Variants in CARMIL1 observed in about 807,000 individuals in gnomAD.
CARMIL1 encodes the protein capping protein regulator and myosin 1 linker 1, also known as F-actin-uncapping protein LRRC16A.
CARMIL1 carries 90 observed loss-of-function variants against 177.1 expected under a neutral mutation model. The ratio of observed to expected loss-of-function variants is 0.51; its 90% CI spans 0.43 to 0.61. CARMIL1 has a LOEUF of 0.61. Among genes scored for constraint, CARMIL1 ranks in the 20% least tolerant of loss-of-function variants. CARMIL1 has a pLI of 0.00. For synonymous variants in CARMIL1, 577 were observed against 606.2 expected, an observed-to-expected ratio of 0.95 and a Z score of 0.71; for missense variants, 1,380 against 1,667.0, an observed-to-expected ratio of 0.83 and a Z score of 3.00.
At chr6:25,517,219 A>T (rs1395856047) in intron 21 of CARMIL1, 128 bp from the exon 22 acceptor site, 1 of 639,406 alleles carries the variant, frequency 1.6e-6, no homozygotes, top group Non-Finnish European at 2.8e-6. Context: ...GATGAACATT[A>T]TTCCTTGCTC....
chr6:25,314,489 A>G lies in CARMIL1; in HGVS notation c.138+29580A>G, dbSNP rs1284034722. Among the ~76,000 whole-genome samples the G allele has an allele frequency of 3.8e-5, 5 of 132,606 alleles. No individual in the cohort carries two copies. The East Asian group carries it at 6.5e-4, about 17-fold the overall frequency. 87.0% of individuals were successfully genotyped at this position (132,606 alleles called of 152,430 possible). ...TTCTGTCTCAAAAAAAAAAAAAATT[A>G]TATATATACACACCCCCACACACAA... On this transcript the variant is annotated intron_variant, in intron 2 of 36. Coordinates refer to ENST00000329474, the MANE Select transcript of CARMIL1 (RefSeq NM_017640.6).
chr6:25,497,299 G>A (rs1582151054), intron 16 of CARMIL1, among the ~76,000 whole-genome samples: 1 of 152,272 alleles, frequency 6.6e-6, no homozygotes, highest in East Asian at 1.9e-4. Context: ...CTTTAATGTG[G>A]ATGACAGTGA....
At chr6:25,491,331 C>T (rs962555269) in intron 13 of CARMIL1, among the ~76,000 whole-genome samples, 2 of 152,146 alleles carry the variant, frequency 1.3e-5, no homozygotes, top group South Asian at 2.1e-4. Context: ...GATTCAGATT[C>T]GTAGTTCTGC....
intron 31 of CARMIL1, among the ~76,000 whole-genome samples, chr6:25,586,846 C>T (rs986754655): frequency 6.6e-6 from 1 of 151,934 alleles, no homozygotes; most frequent in Admixed American, 6.6e-5. Context: ...CCCAGGCACT[C>T]GGCAGGCTGA....
In CARMIL1 at chr6:25,472,364, A is replaced by G. The variant is rs535184465; in HGVS notation, c.780-63A>G. On this transcript the variant is annotated intron_variant, in intron 10 of 36. Transcript: ENST00000329474. ...TAGATTTCACTCTGTTCTAAGCTTT[A>G]AATGTTCCGTTCGAATGGTTTTACA... 4.0e-5 allele frequency: 45 copies of G among 1,138,328 alleles called. 1 individual carries two copies. The South Asian group carries it at 5.7e-4, about 14-fold the overall frequency. The allele number at this position is 1,138,328 out of a possible 1,614,324, so 70.5% of individuals were successfully genotyped here.
intron 2 of CARMIL1, chr6:25,389,304 T>C (rs1172425932): frequency 2.0e-5 from 3 of 152,218 alleles, no homozygotes; most frequent in Non-Finnish European, 2.9e-5. Flanking sequence ...CTGTCTATTA[T>C]ATGTTTTGCA....
chr6:25,500,143 A>T (rs1193072549), intron 16 of CARMIL1, 23 bp from the exon 17 acceptor site: 1 of 1,608,402 alleles, frequency 6.2e-7, no homozygotes, highest in African/African-American at 1.3e-5. Flanking sequence ...TGTGTATCTA[A>T]TATGTGTGTT....
At chr6:25,414,174 A>C (rs72831239) in intron 2 of CARMIL1, among the ~76,000 whole-genome samples, 20,237 of 152,126 alleles carry the variant, frequency 0.13, 1,657 homozygotes, top group East Asian at 0.23. Flanking sequence ...CAGTTTGCTC[A>C]TCTGTAATTC....
intron 36 of CARMIL1, among the ~76,000 whole-genome samples, chr6:25,610,384 C>A (rs1816409321): frequency 6.6e-6 from 1 of 152,070 alleles, no homozygotes; most frequent in Non-Finnish European, 1.5e-5. Flanking sequence ...ATCTTAATGA[C>A]ATATGAAAAA....
intron 2 of CARMIL1, among the ~76,000 whole-genome samples, chr6:25,410,913 A>G (rs1423449322): frequency 6.6e-6 from 1 of 152,198 alleles, no homozygotes; most frequent in African/African-American, 2.4e-5. Flanking sequence ...TCTGTAAAAT[A>G]AAGGAAAAGG....
rs1414682958 is a variant in CARMIL1, at chr6:25,594,582, AAC to A, written c.3119+57_3119+58del. On this transcript the variant is annotated intron_variant, in intron 32 of 36. Transcript: ENST00000329474. ...CTATTTTATTCATATTTAAATTACT[AAC>A]AGTTACAATTAAACTTAGTATACTA... The A allele has an allele frequency of 1.3e-5, 13 of 978,146 alleles. No homozygotes were observed. The African/African-American group carries it at 2.0e-4, about 15-fold the overall frequency. The allele number at this position is 978,146 out of a possible 1,614,324, so 60.6% of individuals were successfully genotyped here. A position where few individuals can be genotyped will look rare whatever the true frequency, so the allele number is the denominator to read the frequency against.
At chr6:25,367,552 G>C (rs1167809035) in intron 2 of CARMIL1, among the ~76,000 whole-genome samples, 2 of 152,098 alleles carry the variant, frequency 1.3e-5, no homozygotes, top group Non-Finnish European at 2.9e-5. Context: ...GGCTGTGTGT[G>C]CCCTTGCTGG....
Position 25,279,770 on chromosome 6 carries a change from A to G in CARMIL1, c.-26A>G. Reference sequence around the variant, plus strand: ...GCCATAAATCAGAGTTGGACCTGCAATAACCCCCACACCTACAGGGCAACC... The same window carrying G: ...GCCATAAATCAGAGTTGGACCTGCAGTAACCCCCACACCTACAGGGCAACC... On this transcript the variant is annotated 5_prime_UTR_variant, in exon 1 of 37. Transcript: ENST00000329474. 2 of 1,613,644 alleles carry G rather than the reference A, an allele frequency of 1.2e-6. No homozygotes were observed. The highest frequency in any genetic ancestry group is 3.3e-5 in the Admixed American group (2 of 60,032).
intron 2 of CARMIL1, among the ~76,000 whole-genome samples, chr6:25,367,234 A>G (rs1482357630): frequency 6.6e-6 from 1 of 152,064 alleles, no homozygotes; most frequent in East Asian, 1.9e-4. Context: ...TTTTGGTTTC[A>G]ATTTCTCTAT....
intron 29 of CARMIL1, among the ~76,000 whole-genome samples, chr6:25,562,287 G>A (rs967404298): frequency 1.1e-4 from 17 of 148,262 alleles, no homozygotes; most frequent in Middle Eastern, 7.0e-3. Context: ...TTGCTCTGTC[G>A]CCCAGGCTAG....
intron 11 of CARMIL1, among the ~76,000 whole-genome samples, chr6:25,475,515 T>A (rs900757148): frequency 2.6e-5 from 4 of 152,158 alleles, no homozygotes; most frequent in African/African-American, 9.7e-5. Context: ...TGTGAATGAA[T>A]GTTTGTAGCA....
At chr6:25,485,345 A>G (rs919107833) in intron 12 of CARMIL1, among the ~76,000 whole-genome samples, 2 of 152,230 alleles carry the variant, frequency 1.3e-5, no homozygotes, top group African/African-American at 4.8e-5. Context: ...TACCTGCAAT[A>G]AAATATGTAT....
At chr6:25,328,465 A>G (rs1176238360) in intron 2 of CARMIL1, among the ~76,000 whole-genome samples, 6 of 152,152 alleles carry the variant, frequency 3.9e-5, no homozygotes, top group African/African-American at 1.4e-4. Context: ...TTTCATGAAA[A>G]GCTTCCTTTC....
At chr6:25,609,851 A>G (rs1816355025) in intron 35 of CARMIL1, among the ~76,000 whole-genome samples, 199 bp from the exon 36 acceptor site, 1 of 152,210 alleles carries the variant, frequency 6.6e-6, no homozygotes, top group Non-Finnish European at 1.5e-5. Flanking sequence ...TTAACTTTTT[A>G]TGAGTATTCA....
Sources: allele counts gnomAD v4.1 joint callset (sites outside exome capture counted in the v4.1 genomes callset), GRCh38; gene constraint gnomAD v4.1.1; transcripts MANE v1.5; gene names NCBI Gene and HGNC (gene_info 2026-07-23, HGNC 2026-07-21).